Variants in BCAS3 observed in about 807,000 individuals in gnomAD.
BCAS3 encodes the protein BCAS4/BCAS3 fusion.
Under a neutral mutation model 116.1 loss-of-function variants are expected in BCAS3, and 53 were observed. The observed-to-expected ratio is 0.46, with a 90% confidence interval of 0.37 to 0.57. The LOEUF is 0.57. Among genes scored for constraint, BCAS3 ranks in the 20% least tolerant of loss-of-function variants. The probability of loss-of-function intolerance (pLI) is 0.00; values close to 1 mark genes in which losing one functional copy is unlikely to be tolerated. For synonymous variants in BCAS3, 391 were observed against 408.2 expected (o/e 0.96, Z 0.51); for missense variants, 917 against 1,165.4 (o/e 0.79, Z 3.10).
chr17:60,798,850 C>T (rs916671924), intron 6 of BCAS3, among the ~76,000 whole-genome samples: 1 of 152,166 alleles, frequency 6.6e-6, no homozygotes, highest in African/African-American at 2.4e-5. Flanking sequence ...TTGGTGTTGT[C>T]AGTGTTCTGG....
At chr17:61,055,603 C>G (rs187333348) in intron 19 of BCAS3, among the ~76,000 whole-genome samples, 12 of 152,300 alleles carry the variant, frequency 7.9e-5, no homozygotes, top group African/African-American at 2.9e-4. Flanking sequence ...GCACCTTTCT[C>G]AGCAGACACA....
chr17:61,381,443 TG>T lies in BCAS3; in HGVS notation c.2594-10531del, dbSNP rs1409755229. 6.6e-6 allele frequency among the ~76,000 whole-genome samples: 1 copy of T among 152,072 alleles called. No individual in the cohort carries two copies. Among genetic ancestry groups the T allele is most frequent in the African/African-American group, 2.4e-5 (1 of 41,390 alleles). On this transcript the variant is annotated intron_variant, in intron 23 of 23. Transcript: ENST00000407086. The surrounding 1 kb of genome is among the most constrained non-coding windows in gnomAD (Gnocchi z 6.0). ...GTGATCCTTTCCCAGCCGCGGCGTG[TG>T]GGCTTGAGACACAGGCTGGGACCCC...
At chr17:60,699,058 A>C (rs1026971198) in intron 4 of BCAS3, among the ~76,000 whole-genome samples, 1 of 152,212 alleles carries the variant, frequency 6.6e-6, no homozygotes, top group African/African-American at 2.4e-5. Flanking sequence ...ACTCCGTCTC[A>C]AAGAAAACAA....
intron 22 of BCAS3, among the ~76,000 whole-genome samples, chr17:61,150,305 C>T (rs572565342): frequency 5.9e-5 from 9 of 152,280 alleles, no homozygotes; most frequent in East Asian, 5.8e-4. Flanking sequence ...TTATGAAACC[C>T]GATCAGGTTG....
At chr17:60,903,415 A>G (rs1209152218) in intron 11 of BCAS3, among the ~76,000 whole-genome samples, 1 of 152,216 alleles carries the variant, frequency 6.6e-6, no homozygotes, top group Admixed American at 6.5e-5. Flanking sequence ...GTTTGATGAG[A>G]GAAGCATTAC....
chr17:60,900,658 T>G (rs1200417146), intron 10 of BCAS3, among the ~76,000 whole-genome samples: 1 of 152,210 alleles, frequency 6.6e-6, no homozygotes, highest in Non-Finnish European at 1.5e-5. Context: ...TCTATATCCC[T>G]TTCATTCACA....
intron 12 of BCAS3, among the ~76,000 whole-genome samples, chr17:60,923,803 T>TA (rs2059225385): frequency 1.3e-5 from 2 of 152,150 alleles, no homozygotes; most frequent in Admixed American, 1.3e-4. Context: ...GATACAGAGG[T>TA]ACCTATTCTA....
rs1167371422 is a variant in BCAS3 at position 61,376,567 on chromosome 17, C to G, written c.2593+8073C>G. Among the ~76,000 whole-genome samples the G allele has an allele frequency of 6.6e-6, 1 of 152,214 alleles. No homozygotes were observed. The highest frequency in any genetic ancestry group is 2.4e-5 in the African/African-American group (1 of 41,452). ...GGCCGCCCATGAGACCCAGTCTTGTCTTTTAATTTTTTCCTCCAAGCCTTA... is the reference window on the plus strand; with the variant it reads ...GGCCGCCCATGAGACCCAGTCTTGTGTTTTAATTTTTTCCTCCAAGCCTTA... On this transcript the variant is annotated intron_variant, in intron 23 of 23. Coordinates refer to ENST00000407086, the MANE Select transcript of BCAS3 (RefSeq NM_017679.5). This position sits in a 1 kb window ranked among gnomAD's most constrained non-coding sequence, Gnocchi z 4.5.
At chr17:61,255,986 A>T (rs1275194045) in intron 22 of BCAS3, among the ~76,000 whole-genome samples, 1 of 152,204 alleles carries the variant, frequency 6.6e-6, no homozygotes, top group Non-Finnish European at 1.5e-5. Flanking sequence ...AGTCTCGTCA[A>T]ACTGACAAGT....
chr17:60,802,295 A>AAATATATAT (rs1299403402), intron 6 of BCAS3, among the ~76,000 whole-genome samples: 14 of 127,944 alleles, frequency 1.1e-4, no homozygotes, highest in African/African-American at 4.7e-4. Context: ...AAAAAAAAAA[A>AAATATATAT]ATATATATAT....
At chr17:61,015,174 G>A (rs2065368887) in intron 15 of BCAS3, among the ~76,000 whole-genome samples, 1 of 152,192 alleles carries the variant, frequency 6.6e-6, no homozygotes. Flanking sequence ...AAGGACCTAA[G>A]CAGGGCAACA....
intron 22 of BCAS3, among the ~76,000 whole-genome samples, chr17:61,231,605 C>T (rs1358496573): frequency 1.3e-5 from 2 of 152,118 alleles, no homozygotes; most frequent in Admixed American, 6.5e-5. Flanking sequence ...GACAGTGGCT[C>T]ATACCTGTAA....
intron 22 of BCAS3, among the ~76,000 whole-genome samples, chr17:61,350,232 T>A (rs1258014491): frequency 1.3e-5 from 2 of 151,902 alleles, no homozygotes; most frequent in Non-Finnish European, 2.9e-5. Flanking sequence ...CTGGCCAACA[T>A]GGTGAAACCC....
intron 12 of BCAS3, among the ~76,000 whole-genome samples, chr17:60,922,921 A>G (rs1324164743): frequency 6.6e-6 from 1 of 152,224 alleles, no homozygotes; most frequent in Non-Finnish European, 1.5e-5. Context: ...ATAAAAATTT[A>G]TGGAGTATAA....
rs765161699 is a variant in BCAS3 at position 61,198,664 on chromosome 17, TTAC to T, written c.2425+114102_2425+114104del. 4.6e-5 allele frequency among the ~76,000 whole-genome samples: 7 copies of T among 152,232 alleles called. No individual in the cohort carries two copies. Among genetic ancestry groups the T allele is most frequent in the Non-Finnish European group, 1.0e-4 (7 of 68,036 alleles). On this transcript the variant is annotated intron_variant, in intron 22 of 23. Coordinates refer to ENST00000407086, the MANE Select transcript of BCAS3 (RefSeq NM_017679.5). The surrounding 1 kb of genome is among the most constrained non-coding windows in gnomAD (Gnocchi z 5.0). ...TGACCCATTTTTAGCTTCTGTGCAT[TTAC>T]TTTTAGTTAATCTGTTTGATTTGAA...
intron 22 of BCAS3, among the ~76,000 whole-genome samples, chr17:61,322,830 C>CAGAGAGAGAG (rs1237128472): frequency 1.3e-5 from 1 of 75,434 alleles, no homozygotes; most frequent in African/African-American, 5.2e-5. Context: ...GAGAGAGAGA[C>CAGAGAGAGAG]AGAGAGAGAG....
intron 7 of BCAS3, among the ~76,000 whole-genome samples, chr17:60,814,312 C>CGCGT (rs1386149804): frequency 7.2e-5 from 10 of 138,566 alleles, no homozygotes; most frequent in African/African-American, 2.1e-4. Context: ...TGTGTGCGCG[C>CGCGT]GTGCCCATTG....
chr17:61,081,519 T>C (rs1217114407), intron 21 of BCAS3, among the ~76,000 whole-genome samples: 1 of 152,248 alleles, frequency 6.6e-6, no homozygotes, highest in Non-Finnish European at 1.5e-5. Flanking sequence ...TTGATTAGAA[T>C]ATTATCCTGT....
At chr17:61,135,628 C>T (rs1465415860) in intron 22 of BCAS3, among the ~76,000 whole-genome samples, 1 of 152,160 alleles carries the variant, frequency 6.6e-6, no homozygotes, top group Admixed American at 6.5e-5. Context: ...ACTGCCACCC[C>T]CTGTCTATAT....
Sources: allele counts gnomAD v4.1 joint callset (sites outside exome capture counted in the v4.1 genomes callset), GRCh38; gene constraint gnomAD v4.1.1; non-coding constraint Gnocchi (gnomAD v3.1); transcripts MANE v1.5; gene names NCBI Gene and HGNC (gene_info 2026-07-23, HGNC 2026-07-21).